The following SLC12A7 variants were observed in gnomAD, a reference collection of about 807,000 sequenced individuals.
SLC12A7 encodes the protein K-Cl cotransporter 4.
SLC12A7 carries 100 observed loss-of-function variants against 120.6 expected under a neutral mutation model. The ratio of observed to expected loss-of-function variants is 0.83; its 90% CI spans 0.71 to 0.98. SLC12A7 has a LOEUF of 0.98. Ranked by LOEUF, SLC12A7 falls within the 50% of genes least tolerant of loss-of-function variation. The pLI is 0.00. For synonymous variants in SLC12A7, 760 were observed against 678.0 expected, an observed-to-expected ratio of 1.12 and a Z score of -1.88; for missense variants, 1,373 against 1,548.1, an observed-to-expected ratio of 0.89 and a Z score of 1.90.
At chr5:1,061,576 G>A (rs1367844805) in intron 20 of SLC12A7, among the ~76,000 whole-genome samples, 1 of 151,706 alleles carries the variant, frequency 6.6e-6, no homozygotes, top group Non-Finnish European at 1.5e-5. Flanking sequence ...CACCCGCCGT[G>A]CGGGATCCCT....
At chr5:1,127,502 T>C in the SLC12A7 span, among the ~76,000 whole-genome samples, 1 of 152,226 alleles carries the variant, frequency 6.6e-6, no homozygotes, top group African/African-American at 2.4e-5. Context: ...TGCCCACACC[T>C]GGACTTCAGA....
At chr5:1,081,771 T>G in intron 8 of SLC12A7, 27 bp from the exon 9 acceptor site, 1 of 1,601,150 alleles carries the variant, frequency 6.2e-7, no homozygotes, top group Non-Finnish European at 8.5e-7. Flanking sequence ...ATCCCATGGG[T>G]TTCTGGCACC....
At chr5:1,127,432 G>A in the SLC12A7 span, among the ~76,000 whole-genome samples, 16 of 152,230 alleles carry the variant, frequency 1.1e-4, no homozygotes, top group East Asian at 3.9e-4. Context: ...GCCTGGAGCC[G>A]CAGAAGTTGG....
At chr5:1,079,976 C>A (rs1179759576) in intron 9 of SLC12A7, among the ~76,000 whole-genome samples, 1 of 152,252 alleles carries the variant, frequency 6.6e-6, no homozygotes, top group African/African-American at 2.4e-5. Flanking sequence ...GGGGATGTTT[C>A]CACACAATCG....
At chr5:1,096,258 C>T (rs78083813) in intron 1 of SLC12A7, among the ~76,000 whole-genome samples, 5,962 of 152,222 alleles carry the variant, frequency 0.039, 148 homozygotes, top group Non-Finnish European at 0.063. Context: ...AAGACGGAGA[C>T]CTGGGGCAGG....
chr5:1,081,215 C>G (rs569319535), intron 9 of SLC12A7, among the ~76,000 whole-genome samples: 1 of 152,158 alleles, frequency 6.6e-6, no homozygotes, highest in African/African-American at 2.4e-5. Context: ...GTCTGTAATC[C>G]CAGCACTTTG....
chr5:1,131,554 C>A, the SLC12A7 span, among the ~76,000 whole-genome samples: 1 of 152,226 alleles, frequency 6.6e-6, no homozygotes, highest in Non-Finnish European at 1.5e-5. Flanking sequence ...TCCGGGCAAC[C>A]TGCCAGGACC....
intron 21 of SLC12A7, 146 bp from the exon 22 acceptor site, chr5:1,057,795 A>T: frequency 1.3e-6 from 1 of 745,332 alleles, no homozygotes; most frequent in East Asian, 2.8e-5. Context: ...CTGGCGTCCC[A>T]CACTGGTCCT....
At chr5:1,152,075 G>A in the SLC12A7 span, among the ~76,000 whole-genome samples, 1 of 152,042 alleles carries the variant, frequency 6.6e-6, no homozygotes, top group African/African-American at 2.4e-5. Flanking sequence ...CTTCCCACAG[G>A]GCCAGGGGGC....
chr5:1,101,789 AC>A (rs1478106792), intron 1 of SLC12A7, among the ~76,000 whole-genome samples: 7 of 67,796 alleles, frequency 1.0e-4, no homozygotes, highest in Non-Finnish European at 1.9e-4. Flanking sequence ...ACCCCCCTCC[AC>A]CCCCCGACAC....
chr5:1,133,540 G>A, the SLC12A7 span, among the ~76,000 whole-genome samples: 1 of 152,208 alleles, frequency 6.6e-6, no homozygotes, highest in Non-Finnish European at 1.5e-5. Context: ...CCCACACAGT[G>A]CTGTCTGGGG....
intron 1 of SLC12A7, among the ~76,000 whole-genome samples, chr5:1,096,296 A>G (rs1221297134): frequency 6.6e-6 from 1 of 152,208 alleles, no homozygotes; most frequent in African/African-American, 2.4e-5. Flanking sequence ...CACAGCCAAC[A>G]TGGCAGGAGG....
chr5:1,139,606 G>C, the SLC12A7 span, among the ~76,000 whole-genome samples: 1 of 152,240 alleles, frequency 6.6e-6, no homozygotes, highest in Non-Finnish European at 1.5e-5. Flanking sequence ...GTGGGTGCCG[G>C]GAAACAGGAG....
chr5:1,111,669 G>A (rs914304842), intron 1 of SLC12A7, among the ~76,000 whole-genome samples, 199 bp downstream of exon 1: 3 of 152,168 alleles, frequency 2.0e-5, no homozygotes, highest in African/African-American at 2.4e-5. Context: ...GGGAGCCCTG[G>A]CAGGGCCCCT....
At chr5:1,137,769 G>A in the SLC12A7 span, among the ~76,000 whole-genome samples, 1 of 152,216 alleles carries the variant, frequency 6.6e-6, no homozygotes, top group Admixed American at 6.5e-5. Context: ...GCCCAGGTGC[G>A]TCATCAGAAC....
At chr5:1,087,407 A>G (rs1739987751) in intron 5 of SLC12A7, among the ~76,000 whole-genome samples, 1 of 152,280 alleles carries the variant, frequency 6.6e-6, no homozygotes, top group African/African-American at 2.4e-5. Context: ...AGAAACTAGG[A>G]TGTTCAGGAG....
chr5:1,096,624 T>G (rs530038091), intron 1 of SLC12A7, among the ~76,000 whole-genome samples: 32 of 137,238 alleles, frequency 2.3e-4, no homozygotes, highest in Admixed American at 1.0e-3. Context: ...CAATGGAAGA[T>G]GAAGGACCAG....
chr5:1,148,447 C>T, the SLC12A7 span, among the ~76,000 whole-genome samples: 2 of 152,120 alleles, frequency 1.3e-5, no homozygotes, highest in Non-Finnish European at 1.5e-5. Flanking sequence ...CCTTGTGATC[C>T]ACCTGCTTTG....
intron 20 of SLC12A7, 99 bp from the exon 21 acceptor site, chr5:1,060,550 T>A: frequency 1.1e-6 from 1 of 893,818 alleles, no homozygotes; most frequent in Non-Finnish European, 1.8e-6. Flanking sequence ...CCCTGAGCGG[T>A]GGGAAAGGCC....
Sources: allele counts gnomAD v4.1 joint callset (sites outside exome capture counted in the v4.1 genomes callset), GRCh38; gene constraint gnomAD v4.1.1; transcripts MANE v1.5; gene names NCBI Gene and HGNC (gene_info 2026-07-23, HGNC 2026-07-21).